SMARCC1: variants seen among roughly 807,000 people sequenced by gnomAD.
The protein encoded by SMARCC1 is SWI/SNF related BAF chromatin remodeling complex subunit C1, also known as SWI/SNF complex subunit SMARCC1.
A neutral mutation model predicts 147.4 loss-of-function variants in SMARCC1; 43 were observed. The observed-to-expected ratio is 0.29, with a 90% CI of 0.23 to 0.38. SMARCC1 has a LOEUF of 0.38. SMARCC1 is among the 10% of genes least tolerant of loss of function. The pLI is 1.00. For missense variants in SMARCC1, 1,119 were observed against 1,381.1 expected, an observed-to-expected ratio of 0.81 and a Z score of 3.01; for synonymous variants, 495 against 484.4, an observed-to-expected ratio of 1.02 and a Z score of -0.29.
intron 2 of SMARCC1, among the ~76,000 whole-genome samples, chr3:47,752,008 C>T (rs1464513496): frequency 6.6e-6 from 1 of 151,960 alleles, no homozygotes; most frequent in African/African-American, 2.4e-5. Flanking sequence ...CACTTGAACC[C>T]GGGAGGCAGA....
chr3:47,720,581 A>G (rs1328953187), intron 7 of SMARCC1, 85 bp downstream of exon 7: 1 of 915,084 alleles, frequency 1.1e-6, no homozygotes, highest in African/African-American at 1.7e-5. Flanking sequence ...ACAAATTGTC[A>G]CTATTCAGAA....
chr3:47,701,411 T>C lies in SMARCC1; in HGVS notation c.1041-9A>G, dbSNP rs1350003265. On this transcript the variant is annotated splice_polypyrimidine_tract_variant and intron_variant, in intron 10 of 27. Coordinates refer to ENST00000254480, the MANE Select transcript of SMARCC1 (RefSeq NM_003074.4). ...CATAAAGGCTAGCTTGGCTAAAACA[T>C]ACAAGTATATGAAATATAAACAAGA... is the stretch of plus-strand genomic sequence containing the variant. The C allele has an allele frequency of 5.6e-6, 9 of 1,612,632 alleles. No individual in the cohort carries two copies. The highest frequency in any genetic ancestry group is 6.8e-6 in the Non-Finnish European group (8 of 1,178,964).
chr3:47,616,426 T>A (rs1019212340), intron 25 of SMARCC1, among the ~76,000 whole-genome samples: 3 of 152,168 alleles, frequency 2.0e-5, no homozygotes, highest in Non-Finnish European at 4.4e-5. Flanking sequence ...TATAGCTGAG[T>A]TCATGATACC....
chr3:47,766,980 G>A (rs1196656197), intron 2 of SMARCC1, among the ~76,000 whole-genome samples: 2 of 151,842 alleles, frequency 1.3e-5, no homozygotes, highest in African/African-American at 2.4e-5. Context: ...GTCAGATCAA[G>A]ACCATCCTGG....
At chr3:47,704,282 G>A (rs2033963825) in intron 10 of SMARCC1, among the ~76,000 whole-genome samples, 1 of 151,946 alleles carries the variant, frequency 6.6e-6, no homozygotes, top group Non-Finnish European at 1.5e-5. Flanking sequence ...ACAAAAGTTG[G>A]GAAAACAGAT....
intron 2 of SMARCC1, among the ~76,000 whole-genome samples, chr3:47,763,571 G>C (rs1413892520): frequency 1.3e-5 from 2 of 151,476 alleles, no homozygotes; most frequent in Non-Finnish European, 2.9e-5. Flanking sequence ...GAGCTCAGAG[G>C]ACCCACTCAC....
intron 21 of SMARCC1, among the ~76,000 whole-genome samples, chr3:47,652,476 CCA>C (rs2033202193): frequency 6.6e-6 from 1 of 152,108 alleles, no homozygotes; most frequent in Admixed American, 6.6e-5. Flanking sequence ...TGAATGAAAA[CCA>C]CACAGACACA....
intron 26 of SMARCC1, chr3:47,603,991 C>A (rs749413241): frequency 1.1e-5 from 5 of 456,690 alleles, no homozygotes; most frequent in African/African-American, 4.0e-5. Context: ...GAGGCATGCA[C>A]GCAGTAGTCT....
At chr3:47,729,407 G>A (rs927998238) in intron 5 of SMARCC1, among the ~76,000 whole-genome samples, 2 of 151,990 alleles carry the variant, frequency 1.3e-5, no homozygotes, top group African/African-American at 4.8e-5. Context: ...TCCTGAAATG[G>A]AGTCTTGCTC....
chr3:47,585,667 G>A lies in SMARCC1; in HGVS notation c.*2542C>T, dbSNP rs1336280613. On this transcript the variant is annotated 3_prime_UTR_variant, in exon 28 of 28. Transcript: ENST00000254480. Reference sequence around the variant, plus strand: ...TGCCAGGATGTTGGCCATCATTTTTGGAGAACTTCCACTCATTTTCACTTT... The same window carrying A: ...TGCCAGGATGTTGGCCATCATTTTTAGAGAACTTCCACTCATTTTCACTTT... The A allele has an allele frequency of 6.6e-6, 1 of 152,172 alleles. No homozygotes were observed. The highest frequency in any genetic ancestry group is 1.5e-5 in the Non-Finnish European group (1 of 68,042). 9.4% of individuals were successfully genotyped at this position (152,172 alleles called of 1,614,324 possible).
intron 7 of SMARCC1, among the ~76,000 whole-genome samples, chr3:47,719,174 A>T (rs1263692814): frequency 6.6e-6 from 1 of 152,026 alleles, no homozygotes; most frequent in Non-Finnish European, 1.5e-5. Flanking sequence ...TTGGCCTCCC[A>T]AAGTACTGGG....
rs1180143425 is a variant in SMARCC1 at position 47,626,487 on chromosome 3, G to GA, written c.2647-4147dup. On this transcript the variant is annotated intron_variant, in intron 24 of 27. Coordinates refer to ENST00000254480, the MANE Select transcript of SMARCC1 (RefSeq NM_003074.4). ...AAAAAAAAAAAAAGAAAGAAAGAAA[G>GA]AAAAAAAAAGGAAAAAGAAAAAAGA... Among the ~76,000 whole-genome samples, 6 of 143,812 alleles carry GA rather than the reference G, an allele frequency of 4.2e-5. No individual in the cohort carries two copies. In the South Asian group the frequency reaches 6.7e-4, roughly 16 times the overall value. The allele number at this position is 143,812 out of a possible 152,430, so 94.3% of individuals were successfully genotyped here.
At chr3:47,723,360 T>G (rs1056524381) in intron 6 of SMARCC1, among the ~76,000 whole-genome samples, 16 of 143,006 alleles carry the variant, frequency 1.1e-4, no homozygotes, top group Non-Finnish European at 2.0e-4. Context: ...GTTGGGTTTT[T>G]TTTTTTTTTT....
chr3:47,683,642 CA>C (rs2033682375), intron 14 of SMARCC1, among the ~76,000 whole-genome samples: 1 of 151,112 alleles, frequency 6.6e-6, no homozygotes, highest in Non-Finnish European at 1.5e-5. Context: ...CACCTGAGGT[CA>C]GGAGTTCGAG....
In SMARCC1 at chr3:47,697,940, A is replaced by T. The variant is rs1055805299; in HGVS notation, c.1165+3338T>A. ...GGAGAACGGTGTGAACCTGGGAGGT[A>T]AAGCGTGCAGTGAGTCGAGATCGCG... On this transcript the variant is annotated intron_variant, in intron 11 of 27. Coordinates refer to ENST00000254480, the MANE Select transcript of SMARCC1 (RefSeq NM_003074.4). Among the ~76,000 whole-genome samples, 5 of 146,520 alleles carry T rather than the reference A, an allele frequency of 3.4e-5. No homozygotes were observed. The South Asian group carries it at 1.1e-3, about 33-fold the overall frequency.
chr3:47,697,003 C>T (rs901779535), intron 11 of SMARCC1, among the ~76,000 whole-genome samples: 3 of 152,086 alleles, frequency 2.0e-5, no homozygotes, highest in African/African-American at 7.2e-5. Flanking sequence ...AGGGAAAGGC[C>T]ACCATGTCCA....
chr3:47,639,683 C>T (rs1020804015), intron 21 of SMARCC1, among the ~76,000 whole-genome samples: 5 of 151,982 alleles, frequency 3.3e-5, no homozygotes, highest in Admixed American at 1.3e-4. Context: ...CACTGCACTC[C>T]GGCCTGGGAG....
In SMARCC1 at chr3:47,662,651, T is replaced by G. The variant is rs538102496; in HGVS notation, c.1900-59A>C. 12 of 1,432,918 alleles carry G rather than the reference T, an allele frequency of 8.4e-6. 1 individual carries two copies. In the South Asian group the frequency reaches 1.4e-4, roughly 16 times the overall value. 88.8% of individuals were successfully genotyped at this position (1,432,918 alleles called of 1,614,324 possible). A position where few individuals can be genotyped will look rare whatever the true frequency, so the allele number is the denominator to read the frequency against. ...GTAACAAGAAAGTAATGTGTAATAT[T>G]AGAAGTTCTTTAGATAGCTTTTTTA... On this transcript the variant is annotated intron_variant, in intron 19 of 27. Coordinates refer to ENST00000254480, the MANE Select transcript of SMARCC1 (RefSeq NM_003074.4).
At chr3:47,598,314 A>G (rs1249130490) in intron 26 of SMARCC1, among the ~76,000 whole-genome samples, 2 of 152,208 alleles carry the variant, frequency 1.3e-5, no homozygotes, top group East Asian at 1.9e-4. Flanking sequence ...CCTGCAGACG[A>G]AAGAACACTC....
Sources: allele counts gnomAD v4.1 joint callset (sites outside exome capture counted in the v4.1 genomes callset), GRCh38; gene constraint gnomAD v4.1.1; transcripts MANE v1.5; gene names NCBI Gene and HGNC (gene_info 2026-07-23, HGNC 2026-07-21).